The following RHOBTB1 variants were observed in gnomAD, a reference collection of about 807,000 sequenced individuals.
RHOBTB1 encodes the protein Rho related BTB domain containing 1, also known as rho-related BTB domain-containing protein 1.
RHOBTB1 carries 40 observed loss-of-function variants against 71.6 expected under a neutral mutation model. That is an observed-to-expected ratio of 0.56 (90% CI 0.43 to 0.73). RHOBTB1 has a LOEUF of 0.73. RHOBTB1 is among the 30% of genes least tolerant of loss of function. The pLI is 0.00. For missense variants in RHOBTB1, 797 were observed against 894.0 expected (o/e 0.89, Z 1.38); for synonymous variants, 319 against 334.9 (o/e 0.95, Z 0.52).
chr10:60,975,438 AAAC>A (rs2086285104), intron 2 of RHOBTB1, among the ~76,000 whole-genome samples: 1 of 152,098 alleles, frequency 6.6e-6, no homozygotes, highest in South Asian at 2.1e-4. Context: ...TATCAAATAA[AAAC>A]AATTTCTAAT....
At chr10:60,867,625 T>G (rs1055341474), downstream of RHOBTB1, among the ~76,000 whole-genome samples, 1 of 152,260 alleles carries the variant, frequency 6.6e-6, no homozygotes, top group Non-Finnish European at 1.5e-5. Context: ...TACTTTCATA[T>G]TTCATAGACT....
chr10:60,885,975 TATGACTAACAGTATG>T lies in RHOBTB1; in HGVS notation c.1575+122_1575+136del, dbSNP rs2081548851. 8.5e-6 allele frequency: 6 copies of T among 703,426 alleles called. No individual in the cohort carries two copies. The South Asian group carries it at 1.0e-4, about 12-fold the overall frequency. 43.6% of individuals were successfully genotyped at this position (703,426 alleles called of 1,614,324 possible). Reference sequence around the variant, plus strand: ...CTAAGGAGCAATAGCTCCTTATGATTATGACTAACAGTATGATGACCACTCATGGAGCCAGTTTAA... The same window carrying T: ...CTAAGGAGCAATAGCTCCTTATGATTATGACCACTCATGGAGCCAGTTTAA... On this transcript the variant is annotated intron_variant, in intron 7 of 10. Coordinates refer to ENST00000337910, the MANE Select transcript of RHOBTB1 (RefSeq NM_014836.5).
intron 2 of RHOBTB1, among the ~76,000 whole-genome samples, chr10:60,969,044 G>A (rs1209343196): frequency 6.6e-6 from 1 of 152,030 alleles, no homozygotes; most frequent in African/African-American, 2.4e-5. Flanking sequence ...TAAATTTACA[G>A]CTGATGCAAA....
chr10:60,899,434 G>T (rs779142114), intron 4 of RHOBTB1, among the ~76,000 whole-genome samples: 1 of 152,128 alleles, frequency 6.6e-6, no homozygotes, highest in African/African-American at 2.4e-5. Context: ...CAAGTTGCAC[G>T]CATAAGAAAA....
chr10:60,886,649 A>G (rs2081590640), intron 6 of RHOBTB1, among the ~76,000 whole-genome samples: 1 of 149,690 alleles, frequency 6.7e-6, no homozygotes, highest in African/African-American at 2.5e-5. Flanking sequence ...TAAACCTTAC[A>G]TTTATAATAT....
intron 1 of RHOBTB1, among the ~76,000 whole-genome samples, chr10:60,993,691 C>A (rs760164161): frequency 6.6e-6 from 1 of 151,738 alleles, no homozygotes; most frequent in Admixed American, 6.6e-5. Flanking sequence ...TATTGCTCTA[C>A]GGTGTATATT....
At chr10:60,972,307 C>T (rs547994187) in intron 2 of RHOBTB1, among the ~76,000 whole-genome samples, 86 of 152,202 alleles carry the variant, frequency 5.7e-4, no homozygotes, top group Middle Eastern at 3.4e-3. Flanking sequence ...TCATGATAGA[C>T]TGGATAAAGA....
chr10:60,930,281 A>G (rs2084164377), intron 2 of RHOBTB1, among the ~76,000 whole-genome samples: 1 of 152,178 alleles, frequency 6.6e-6, no homozygotes, highest in African/African-American at 2.4e-5. Context: ...CTTATCTGTG[A>G]ACTGGGGATA....
At chr10:60,864,638 C>T (rs1434565245), downstream of RHOBTB1, among the ~76,000 whole-genome samples, 5 of 151,678 alleles carry the variant, frequency 3.3e-5, no homozygotes, top group Non-Finnish European at 2.9e-5. Flanking sequence ...GATTGTTAAG[C>T]CCATTTCTCT....
chr10:60,965,689 A>T (rs903123242), intron 2 of RHOBTB1, among the ~76,000 whole-genome samples: 1 of 152,168 alleles, frequency 6.6e-6, no homozygotes, highest in Non-Finnish European at 1.5e-5. Context: ...TTTCTTGGCA[A>T]TTCTTCAGGA....
At chr10:60,926,125 T>C (rs747826131) in intron 2 of RHOBTB1, among the ~76,000 whole-genome samples, 1 of 152,050 alleles carries the variant, frequency 6.6e-6, no homozygotes, top group Admixed American at 6.6e-5. Context: ...TAATCTCAGC[T>C]ACTCGGGAGG....
At chr10:60,976,697 A>G (rs1045303138) in intron 2 of RHOBTB1, among the ~76,000 whole-genome samples, 1 of 152,058 alleles carries the variant, frequency 6.6e-6, no homozygotes, top group Admixed American at 6.6e-5. Flanking sequence ...TCTTATTGGT[A>G]GATCTAATGT....
chr10:60,964,482 A>G (rs1049020525), intron 2 of RHOBTB1, among the ~76,000 whole-genome samples: 3 of 152,130 alleles, frequency 2.0e-5, no homozygotes, highest in Non-Finnish European at 4.4e-5. Context: ...TTGCTGTATA[A>G]CCCTTAAAAA....
At position 60,990,128 on chromosome 10, in the gene RHOBTB1, G is replaced by A. The variant is rs551837367; in HGVS notation, c.-162-4183C>T. On this transcript the variant is annotated intron_variant, in intron 1 of 11. Transcript: ENST00000357917. Reference sequence around the variant, plus strand: ...CTCCCGAGTAGCTGGGACTACAGGCGCCCGCCACCACGCCTGGATAATTTT... The same window carrying A: ...CTCCCGAGTAGCTGGGACTACAGGCACCCGCCACCACGCCTGGATAATTTT... Among the ~76,000 whole-genome samples the A allele has an allele frequency of 4.1e-3, 624 of 151,792 alleles. 1 individual carries two copies. The highest frequency in any genetic ancestry group is 6.8e-3 in the Non-Finnish European group (462 of 67,906).
At position 60,989,978 on chromosome 10, in the gene RHOBTB1, CTTTTTTTTTTTT is replaced by C. The variant is rs769184320; in HGVS notation, c.-162-4045_-162-4034del. ...TCAGACCTCAGAACCTCAGAATGTCCTTTTTTTTTTTTTTTTTTTTTTGAGATGGAGTCTCGT... is the reference window on the plus strand; with the variant it reads ...TCAGACCTCAGAACCTCAGAATGTCCTTTTTTTTTTGAGATGGAGTCTCGT... On this transcript the variant is annotated intron_variant, in intron 1 of 11. Coordinates refer to the RHOBTB1 transcript ENST00000357917. Among the ~76,000 whole-genome samples, 14 of 122,292 alleles carry C rather than the reference CTTTTTTTTTTTT, an allele frequency of 1.1e-4. No homozygotes were observed. The South Asian group carries it at 2.9e-3, about 25-fold the overall frequency. 80.2% of individuals were successfully genotyped at this position (122,292 alleles called of 152,430 possible). A position where few individuals can be genotyped will look rare whatever the true frequency, so the allele number is the denominator to read the frequency against.
At chr10:60,920,748 C>T (rs774683570) in intron 2 of RHOBTB1, among the ~76,000 whole-genome samples, 3 of 151,848 alleles carry the variant, frequency 2.0e-5, no homozygotes, top group Non-Finnish European at 4.4e-5. Flanking sequence ...CTCCACCTCT[C>T]GGCTCAGGCC....
chr10:60,889,875 T>G (rs2081829721), intron 5 of RHOBTB1, among the ~76,000 whole-genome samples: 1 of 152,260 alleles, frequency 6.6e-6, no homozygotes, highest in Non-Finnish European at 1.5e-5. Flanking sequence ...AGTAAGTGCC[T>G]GATAAATGTT....
chr10:60,954,316 C>T (rs2085513490), intron 2 of RHOBTB1, among the ~76,000 whole-genome samples: 1 of 152,170 alleles, frequency 6.6e-6, no homozygotes, highest in African/African-American at 2.4e-5. Flanking sequence ...AGGGTTATTA[C>T]ACTCTTCATG....
At chr10:60,879,816 A>C (rs968344696) in intron 7 of RHOBTB1, among the ~76,000 whole-genome samples, 8 of 151,870 alleles carry the variant, frequency 5.3e-5, no homozygotes, top group African/African-American at 1.9e-4. Context: ...ACACACACAC[A>C]CTCAGGCACA....
Sources: gnomAD v4.1 joint callset for allele counts (sites outside exome capture counted in the v4.1 genomes callset) on GRCh38, gnomAD v4.1.1 for gene constraint, MANE v1.5 for transcripts, NCBI Gene and HGNC (gene_info 2026-07-23, HGNC 2026-07-21) for gene names.